GPC6: variants seen among roughly 807,000 people sequenced by gnomAD.
GPC6 encodes glypican-6.
A neutral mutation model predicts 55.2 loss-of-function variants in GPC6; 14 were observed. That is an observed-to-expected ratio of 0.25 (90% CI 0.17 to 0.40). The LOEUF is 0.40. Ranked by LOEUF, GPC6 falls within the 10% of genes least tolerant of loss-of-function variation. The pLI, the probability that GPC6 is intolerant of heterozygous loss-of-function variation, is 1.00. For synonymous variants in GPC6, 278 were observed against 259.6 expected (o/e 1.07, Z -0.68); for missense variants, 641 against 708.5 (o/e 0.90, Z 1.08).
chr13:93,320,935 A>C (rs2139122381), intron 1 of GPC6, among the ~76,000 whole-genome samples: 1 of 136,054 alleles, frequency 7.4e-6, no homozygotes, highest in South Asian at 2.3e-4. Flanking sequence ...CGGTTTTTTA[A>C]ATTGCAATGG....
At chr13:93,612,306 T>TG (rs776540697) in intron 2 of GPC6, among the ~76,000 whole-genome samples, 43 of 152,164 alleles carry the variant, frequency 2.8e-4, no homozygotes, top group Non-Finnish European at 5.7e-4. Context: ...GAGACCATTC[T>TG]GGCTAACATG....
At position 93,784,323 on chromosome 13, in the gene GPC6, A is replaced by G. The variant is rs551026242; in HGVS notation, c.320-45831A>G. Among the ~76,000 whole-genome samples, 12 of 152,338 alleles carry G rather than the reference A, an allele frequency of 7.9e-5. 1 individual carries two copies. The South Asian group carries it at 2.3e-3, about 29-fold the overall frequency. The stretch of plus-strand genomic sequence containing the variant: ...AATATTTCCCTGTAGTTACTGGATC[A>G]GAACAACCTGCACAGATTTACTGGC... On this transcript the variant is annotated intron_variant, in intron 2 of 8. Coordinates refer to ENST00000377047, the MANE Select transcript of GPC6 (RefSeq NM_005708.5).
the GPC6 span, among the ~76,000 whole-genome samples, chr13:93,217,826 T>C: frequency 1.1e-4 from 16 of 152,326 alleles, no homozygotes; most frequent in East Asian, 2.9e-3. Context: ...TATTCATTAT[T>C]CATAGAGGTC....
At chr13:93,500,007 C>T (rs992302771) in intron 1 of GPC6, among the ~76,000 whole-genome samples, 6 of 152,306 alleles carry the variant, frequency 3.9e-5, no homozygotes, top group South Asian at 2.1e-4. Context: ...TCACTTGGCC[C>T]GTTTCTGCCG....
intron 4 of GPC6, among the ~76,000 whole-genome samples, chr13:94,240,756 G>A (rs1449589333): frequency 6.6e-6 from 1 of 152,192 alleles, no homozygotes; most frequent in Non-Finnish European, 1.5e-5. Context: ...AGTGAGGCCA[G>A]TGCTGCAGGT....
chr13:93,984,542 C>T (rs1294773840), intron 3 of GPC6, among the ~76,000 whole-genome samples: 1 of 152,082 alleles, frequency 6.6e-6, no homozygotes, highest in African/African-American at 2.4e-5. Flanking sequence ...TAGTCAAATT[C>T]AAATGTATCA....
At chr13:93,943,101 T>C (rs1190644641) in intron 3 of GPC6, among the ~76,000 whole-genome samples, 1 of 152,190 alleles carries the variant, frequency 6.6e-6, no homozygotes, top group Non-Finnish European at 1.5e-5. Context: ...TCAGTGTCTT[T>C]CCATTCAGCT....
At chr13:94,318,021 T>C (rs1876626711) in intron 6 of GPC6, among the ~76,000 whole-genome samples, 1 of 152,236 alleles carries the variant, frequency 6.6e-6, no homozygotes, top group Admixed American at 6.5e-5. Flanking sequence ...ATCACTACTT[T>C]TTAAAATTCA....
intron 3 of GPC6, among the ~76,000 whole-genome samples, chr13:93,972,986 T>G (rs1399709625): frequency 6.6e-6 from 1 of 151,944 alleles, no homozygotes; most frequent in Non-Finnish European, 1.5e-5. Context: ...TCTCTCTCTC[T>G]CTCCCTCTCT....
At chr13:93,507,061 CAAAAAAAAAAAAAA>C (rs56368708) in intron 1 of GPC6, among the ~76,000 whole-genome samples, 2 of 52,126 alleles carry the variant, frequency 3.8e-5, no homozygotes, top group South Asian at 1.4e-3. Flanking sequence ...GACTCCGTCT[CAAAAAAAAAAAAAA>C]AAAAAAAAAA....
intron 3 of GPC6, among the ~76,000 whole-genome samples, chr13:94,000,911 C>A (rs1267658109): frequency 2.6e-5 from 4 of 152,126 alleles, no homozygotes; most frequent in African/African-American, 4.8e-5. Context: ...CTAAGGAGCA[C>A]CTGCTGGAGC....
chr13:94,255,712 A>G (rs1891483575), intron 4 of GPC6, among the ~76,000 whole-genome samples: 1 of 152,172 alleles, frequency 6.6e-6, no homozygotes, highest in Non-Finnish European at 1.5e-5. Flanking sequence ...CAGGAGTATC[A>G]GGACAGAAGC....
intron 4 of GPC6, among the ~76,000 whole-genome samples, chr13:94,191,790 T>G (rs1889404027): frequency 6.6e-6 from 1 of 152,152 alleles, no homozygotes. Flanking sequence ...AGATGTTCAA[T>G]TTCATCTCCA....
chr13:93,977,288 G>C (rs972404487), intron 3 of GPC6, among the ~76,000 whole-genome samples: 2 of 152,058 alleles, frequency 1.3e-5, no homozygotes, highest in African/African-American at 4.8e-5. Context: ...TGCTGCATTT[G>C]GTTTCCTGTC....
At chr13:93,752,843 A>G (rs1884643513) in intron 2 of GPC6, among the ~76,000 whole-genome samples, 1 of 152,182 alleles carries the variant, frequency 6.6e-6, no homozygotes, top group Admixed American at 6.5e-5. Flanking sequence ...TGGGCACAGT[A>G]GCTGTCATCC....
Position 93,694,839 on chromosome 13 carries a change from A to G in GPC6, c.320-135315A>G, listed in dbSNP as rs1882392988. Among the ~76,000 whole-genome samples, 3 of 152,128 alleles carry G rather than the reference A, an allele frequency of 2.0e-5. No individual in the cohort carries two copies. In the South Asian group the frequency reaches 6.2e-4, roughly 32 times the overall value. On this transcript the variant is annotated intron_variant, in intron 2 of 8. Coordinates refer to ENST00000377047, the MANE Select transcript of GPC6 (RefSeq NM_005708.5). Reference sequence around the variant, plus strand: ...ATTCCCCAGGATCAGCCTCAACAACATTCACCTATGTTGTCATTCTCACTG... The same window carrying G: ...ATTCCCCAGGATCAGCCTCAACAACGTTCACCTATGTTGTCATTCTCACTG...
intron 2 of GPC6, among the ~76,000 whole-genome samples, chr13:93,548,792 C>T (rs1463694210): frequency 3.3e-5 from 5 of 152,242 alleles, no homozygotes; most frequent in African/African-American, 7.2e-5. Flanking sequence ...TTTAGAAATA[C>T]ATAATATCAA....
At chr13:94,264,348 G>A (rs9561524) in intron 4 of GPC6, among the ~76,000 whole-genome samples, 31,030 of 152,188 alleles carry the variant, frequency 0.2, 3,815 homozygotes, top group African/African-American at 0.35. Context: ...AAATAAAGAT[G>A]TGACAAGGTC....
intron 1 of GPC6, among the ~76,000 whole-genome samples, chr13:93,493,698 G>A (rs8001845): frequency 0.14 from 17,855 of 125,506 alleles, 1,310 homozygotes; most frequent in Middle Eastern, 0.17. Context: ...CATTGAATGC[G>A]TCCCAGAGAT....
Sources: gnomAD v4.1 joint callset for allele counts (sites outside exome capture counted in the v4.1 genomes callset) on GRCh38, gnomAD v4.1.1 for gene constraint, MANE v1.5 for transcripts, NCBI Gene and HGNC (gene_info 2026-07-23, HGNC 2026-07-21) for gene names.